The following DSCAM variants were observed in gnomAD, a reference collection of about 807,000 sequenced individuals.
The protein encoded by DSCAM is cell adhesion molecule DSCAM.
A neutral mutation model predicts 217.7 loss-of-function variants in DSCAM; 47 were observed. The ratio of observed to expected loss-of-function variants is 0.22; its 90% CI spans 0.17 to 0.28. The LOEUF is 0.28. Ranked by LOEUF, DSCAM falls within the 10% of genes least tolerant of loss-of-function variation. DSCAM has a pLI of 1.00. For missense variants in DSCAM, 2,080 were observed against 2,618.3 expected (o/e 0.79, Z 4.49); for synonymous variants, 1,056 against 1,015.3 (o/e 1.04, Z -0.76).
chr21:40,272,253 T>G (rs1020672864), intron 11 of DSCAM, among the ~76,000 whole-genome samples: 1 of 152,152 alleles, frequency 6.6e-6, no homozygotes, highest in African/African-American at 2.4e-5. Flanking sequence ...CTGCCTTTTC[T>G]GCCAAGCCTC....
chr21:40,188,880 G>T (rs374144589), intron 12 of DSCAM, among the ~76,000 whole-genome samples, 162 bp downstream of exon 12: 4 of 151,240 alleles, frequency 2.6e-5, no homozygotes, highest in East Asian at 1.9e-4. Context: ...ATTTTTGAAG[G>T]CTACTTCACT....
At chr21:40,816,190 G>A (rs561975789) in intron 1 of DSCAM, among the ~76,000 whole-genome samples, 6 of 152,302 alleles carry the variant, frequency 3.9e-5, no homozygotes, top group Admixed American at 2.6e-4. Flanking sequence ...CTGTACAAAC[G>A]AGAAGAAGTG....
At chr21:40,796,294 T>C (rs2091691264) in intron 1 of DSCAM, among the ~76,000 whole-genome samples, 1 of 152,164 alleles carries the variant, frequency 6.6e-6, no homozygotes, top group African/African-American at 2.4e-5. Context: ...TTTTAGTCAT[T>C]GTAGGTTCCC....
intron 1 of DSCAM, among the ~76,000 whole-genome samples, chr21:40,747,457 A>G (rs1233206812): frequency 6.6e-6 from 1 of 151,810 alleles, no homozygotes; most frequent in East Asian, 1.9e-4. Flanking sequence ...AAAATCTAGA[A>G]GAAATGAGTA....
At chr21:40,097,997 A>AT in intron 20 of DSCAM, among the ~76,000 whole-genome samples, 1 of 148,620 alleles carries the variant, frequency 6.7e-6, no homozygotes, top group Non-Finnish European at 1.5e-5. Flanking sequence ...AAAGAAAGAA[A>AT]GAAAGAAAGA....
chr21:40,455,359 C>T (rs1290968718), intron 3 of DSCAM, among the ~76,000 whole-genome samples: 1 of 151,904 alleles, frequency 6.6e-6, no homozygotes, highest in African/African-American at 2.4e-5. Flanking sequence ...GGAATATAAG[C>T]TATCAGAATA....
Position 40,078,832 on chromosome 21 carries a change from G to A in DSCAM, c.4566C>T (p.Thr1522=). The A allele has an allele frequency of 6.2e-7, 1 of 1,614,216 alleles. No individual in the cohort carries two copies. Among genetic ancestry groups the A allele is most frequent in the Non-Finnish European group, 8.5e-7 (1 of 1,180,046 alleles). The part of the protein sequence containing the change: ...EYRPFGTTVW[T]TAQRTSLSKS... ...TGGAGAGAGAGGTCCTCTGAGCTGT[G>A]GTCCAAACTGTGGTCCCAAAGGGCC... Residue 1522 remains threonine, a synonymous_variant, in exon 26 of 33, where the codon ACC becomes ACT. Transcript: ENST00000400454.
intron 2 of DSCAM, among the ~76,000 whole-genome samples, chr21:40,701,881 G>A (rs868219138): frequency 6.6e-6 from 1 of 152,076 alleles, no homozygotes; most frequent in Non-Finnish European, 1.5e-5. Context: ...GTGTGTCTCA[G>A]AAGAGAATTT....
At chr21:40,457,601 T>C (rs547988456) in intron 3 of DSCAM, among the ~76,000 whole-genome samples, 92 of 152,224 alleles carry the variant, frequency 6.0e-4, no homozygotes, top group Non-Finnish European at 1.1e-3. Flanking sequence ...TTAGCCATTA[T>C]AAAAACTAAA....
In DSCAM at chr21:40,730,533, T is replaced by C. The variant is rs966808668; in HGVS notation, c.44-21762A>G. On this transcript the variant is annotated intron_variant, in intron 1 of 32. Transcript: ENST00000400454. ...TTTGATAAAAATCAAATCTTATCTG[T>C]AAAGACATAACTGTTCTAAGATTTT... 2.0e-5 allele frequency among the ~76,000 whole-genome samples: 3 copies of C among 152,308 alleles called. No individual in the cohort carries two copies. The East Asian group carries it at 5.8e-4, about 29-fold the overall frequency.
chr21:40,617,119 C>CTTT lies in DSCAM; in HGVS notation c.508+75688_508+75690dup, dbSNP rs1178735630. The stretch of plus-strand genomic sequence containing the variant: ...AACAAAGGCCAGGCACAGAACCAGT[C>CTTT]TTTTTTTTTTTTTTTTTTTTTTAAG... On this transcript the variant is annotated intron_variant, in intron 3 of 32. Coordinates refer to ENST00000400454, the MANE Select transcript of DSCAM (RefSeq NM_001389.5). Among the ~76,000 whole-genome samples, 99 of 112,648 alleles carry CTTT rather than the reference C, an allele frequency of 8.8e-4. 3 individuals are homozygous for CTTT. Among genetic ancestry groups the CTTT allele is most frequent in the African/African-American group, 2.7e-3 (75 of 27,490 alleles). The allele number at this position is 112,648 out of a possible 152,430, so 73.9% of individuals were successfully genotyped here. A position where few individuals can be genotyped will look rare whatever the true frequency, so the allele number is the denominator to read the frequency against.
At chr21:40,843,281 C>T (rs2092116954) in intron 1 of DSCAM, among the ~76,000 whole-genome samples, 1 of 152,006 alleles carries the variant, frequency 6.6e-6, no homozygotes, top group Non-Finnish European at 1.5e-5. Flanking sequence ...CGTCTCTAAT[C>T]TCCATGACCC....
At chr21:40,790,814 A>T (rs2091635859) in intron 1 of DSCAM, among the ~76,000 whole-genome samples, 1 of 152,216 alleles carries the variant, frequency 6.6e-6, no homozygotes, top group Non-Finnish European at 1.5e-5. Context: ...TATTCCACTC[A>T]GATTTGTTAT....
chr21:40,222,287 T>C (rs1655622838), intron 11 of DSCAM, among the ~76,000 whole-genome samples: 1 of 152,232 alleles, frequency 6.6e-6, no homozygotes, highest in Admixed American at 6.5e-5. Context: ...AACGTCTACA[T>C]TACTAAGTGA....
intron 1 of DSCAM, among the ~76,000 whole-genome samples, chr21:40,763,263 A>G (rs1271319605): frequency 1.3e-5 from 2 of 152,220 alleles, no homozygotes; most frequent in Non-Finnish European, 2.9e-5. Context: ...TACAAAATCA[A>G]TGTGTAAAAA....
intron 3 of DSCAM, among the ~76,000 whole-genome samples, chr21:40,424,959 A>T (rs932170886): frequency 6.6e-6 from 1 of 151,860 alleles, no homozygotes; most frequent in African/African-American, 2.4e-5. Flanking sequence ...TTAGCTGGGC[A>T]TGGGGATGGG....
intron 4 of DSCAM, among the ~76,000 whole-genome samples, chr21:40,367,064 A>AC (rs1275087060): frequency 6.6e-6 from 1 of 152,122 alleles, no homozygotes; most frequent in African/African-American, 2.4e-5. Flanking sequence ...CTTGCTGAGT[A>AC]CTTCCACTAT....
At chr21:40,443,857 A>T (rs1020161145) in intron 3 of DSCAM, among the ~76,000 whole-genome samples, 1 of 152,208 alleles carries the variant, frequency 6.6e-6, no homozygotes, top group Non-Finnish European at 1.5e-5. Context: ...GCAGCTCTAC[A>T]TCATATTTGT....
chr21:40,616,263 C>T (rs2089392383), intron 3 of DSCAM, among the ~76,000 whole-genome samples: 1 of 152,216 alleles, frequency 6.6e-6, no homozygotes, highest in Non-Finnish European at 1.5e-5. Context: ...GAAGGCCTAA[C>T]TGACCCTTGG....
Sources: allele counts gnomAD v4.1 joint callset (sites outside exome capture counted in the v4.1 genomes callset), GRCh38; gene constraint gnomAD v4.1.1; transcripts MANE v1.5; gene names NCBI Gene and HGNC (gene_info 2026-07-23, HGNC 2026-07-21).